Variants in PLEKHG5 observed in about 807,000 individuals in gnomAD.
The protein encoded by PLEKHG5 is pleckstrin homology and RhoGEF domain containing G5.
A neutral mutation model predicts 103.8 loss-of-function variants in PLEKHG5; 52 were observed. The observed-to-expected ratio is 0.50, with a 90% CI of 0.40 to 0.63. PLEKHG5 has a LOEUF of 0.63. Among genes scored for constraint, PLEKHG5 ranks in the 30% least tolerant of loss-of-function variants. The pLI is 0.00. For synonymous variants in PLEKHG5, 592 were observed against 575.5 expected (o/e 1.03, Z -0.41); for missense variants, 1,205 against 1,347.6 (o/e 0.89, Z 1.66).
chr1:6,468,940 A>G, intron 19 of PLEKHG5, 102 bp downstream of exon 19: 1 of 997,694 alleles, frequency 1.0e-6, no homozygotes, highest in Non-Finnish European at 1.6e-6. Flanking sequence ...TGTTCATGAC[A>G]AGAGGCCATT....
At position 6,467,650 on chromosome 1, in the gene PLEKHG5, C is replaced by T. The variant is rs372809264; in HGVS notation, c.3012-78G>A. On this transcript the variant is annotated intron_variant, in intron 20 of 20. Transcript: ENST00000377728. Reference sequence around the variant, plus strand: ...GGCTCTGGTCACCCTCTCTTCCCCACGGCACTCCTCAGGCCCCTTCACTGC... The same window carrying T: ...GGCTCTGGTCACCCTCTCTTCCCCATGGCACTCCTCAGGCCCCTTCACTGC... 4.5e-5 allele frequency: 69 copies of T among 1,519,878 alleles called. No individual in the cohort carries two copies. In the African/African-American group the frequency reaches 7.0e-4, roughly 15 times the overall value. The allele number at this position is 1,519,878 out of a possible 1,614,324, so 94.1% of individuals were successfully genotyped here.
intron 1 of PLEKHG5, among the ~76,000 whole-genome samples, chr1:6,509,136 G>C (rs1052357016): frequency 6.6e-6 from 1 of 152,246 alleles, no homozygotes; most frequent in African/African-American, 2.4e-5. Context: ...CTCTGGACAG[G>C]AAGATCCCAG....
At chr1:6,488,838 G>A (rs1645089604) in intron 1 of PLEKHG5, among the ~76,000 whole-genome samples, 1 of 152,150 alleles carries the variant, frequency 6.6e-6, no homozygotes, top group African/African-American at 2.4e-5. Context: ...TGTTGAAACT[G>A]ATACCCAGAA....
chr1:6,518,377 A>G (rs1638685781), intron 1 of PLEKHG5, among the ~76,000 whole-genome samples: 1 of 151,428 alleles, frequency 6.6e-6, no homozygotes, highest in Admixed American at 6.6e-5. Context: ...CCCAACCAAC[A>G]TGGAGAAACC....
chr1:6,475,523 C>T lies in PLEKHG5; in HGVS notation c.150-1G>A. The T allele has an allele frequency of 6.2e-7, 1 of 1,613,342 alleles. No homozygotes were observed. Among genetic ancestry groups the T allele is most frequent in the South Asian group, 1.1e-5 (1 of 91,078 alleles). On this transcript the variant is annotated splice_acceptor_variant, in intron 3 of 20. Transcript: ENST00000377728. LOFTEE classifies it high-confidence loss of function. ...TTTCAGGCCTGTGCTCTTCCGGTCCCTGCAGGGAAGCGAGGAGGGCAGAGG... is the reference window on the plus strand; with the variant it reads ...TTTCAGGCCTGTGCTCTTCCGGTCCTTGCAGGGAAGCGAGGAGGGCAGAGG...
chr1:6,472,602 G>A lies in PLEKHG5; in HGVS notation c.1005C>T (p.Cys335=). ...DGHEKLTRRQ[C]HQQEAVWELL... ...GCTCCCACACCGCCTCCTGCTGGTGGCACTGCCGCCGGGTCAGCTTCTAGA... is the reference window on the plus strand; with the variant it reads ...GCTCCCACACCGCCTCCTGCTGGTGACACTGCCGCCGGGTCAGCTTCTAGA... Residue 335 remains cysteine, a synonymous_variant, in exon 10 of 21, where the codon TGC becomes TGT. Coordinates refer to ENST00000377728, the MANE Select transcript of PLEKHG5 (RefSeq NM_020631.6). 1 of 1,612,838 alleles carries A rather than the reference G, an allele frequency of 6.2e-7. No homozygotes were observed. Among genetic ancestry groups the A allele is most frequent in the East Asian group, 2.2e-5 (1 of 44,852 alleles).
At chr1:6,479,111 G>T (rs1644836208) in intron 1 of PLEKHG5, among the ~76,000 whole-genome samples, 1 of 152,042 alleles carries the variant, frequency 6.6e-6, no homozygotes, top group South Asian at 2.1e-4. Flanking sequence ...TAAGAACAAA[G>T]ACAGTTTTCC....
chr1:6,498,870 C>T (rs906960740), upstream of PLEKHG5, among the ~76,000 whole-genome samples: 8 of 152,176 alleles, frequency 5.3e-5, no homozygotes, highest in East Asian at 1.9e-4. Context: ...TGGAGGCAGC[C>T]GAGGCAAGAG....
chr1:6,500,265 C>T (rs1416510709), upstream of PLEKHG5, among the ~76,000 whole-genome samples: 1 of 152,166 alleles, frequency 6.6e-6, no homozygotes, highest in Non-Finnish European at 1.5e-5. Context: ...GGTACGATGC[C>T]CCAAGATTGT....
Position 6,470,576 on chromosome 1 carries a change from C to T in PLEKHG5, c.1610G>A (p.Arg537Gln), listed in dbSNP as rs1322468026. 8 of 1,589,710 alleles carry T rather than the reference C, an allele frequency of 5.0e-6. No individual in the cohort carries two copies. The African/African-American group carries it at 8.1e-5, about 16-fold the overall frequency. ...GATGCGGCTCACCACGGCCGCCAGC[C>T]GCTGCCGCTCCTGCCGCTGCCGCAT... ...ACMRQRQERQRLAAVVSRIDA... is the reference protein window; with the variant it reads ...ACMRQRQERQQLAAVVSRIDA... The change falls in exon 15 of 21, where the codon CGG becomes CAG. Residue 537 changes from arginine to glutamine, a missense_variant. By Grantham distance (43) the Arg-to-Gln change is conservative. Transcript: ENST00000377728.
chr1:6,467,860 C>A lies in PLEKHG5; in HGVS notation c.2976G>T (p.Arg992Ser), dbSNP rs1644432760. The A allele has an allele frequency of 4.3e-6, 7 of 1,613,110 alleles. No homozygotes were observed. The highest frequency in any genetic ancestry group is 5.9e-6 in the Non-Finnish European group (7 of 1,179,818). The change falls in exon 20 of 21, where the codon AGG becomes AGT. Residue 992 changes from arginine (R) to serine (S), a missense_variant. Arg to Ser is a moderately radical substitution (Grantham distance 110). Coordinates refer to ENST00000377728, the MANE Select transcript of PLEKHG5 (RefSeq NM_020631.6). Reference protein sequence around the residue: ...KLTLAQLYRIRTTLLLNSTLT... With the variant: ...KLTLAQLYRISTTLLLNSTLT... ...GCGTGGAGTTAAGCAGCAGGGTGGT[C>A]CTGATTCGGTAGAGCTGGGCCAGGG... is the stretch of plus-strand genomic sequence containing the variant.
At chr1:6,472,898 G>A (rs1050324296) in intron 9 of PLEKHG5, 88 bp downstream of exon 9, 57 of 1,285,768 alleles carry the variant, frequency 4.4e-5, no homozygotes, top group Middle Eastern at 1.8e-4. Flanking sequence ...TCTTTGGGGC[G>A]TCCCATGGAA....
At position 6,467,627 on chromosome 1, in the gene PLEKHG5, C is replaced by T. The variant is rs369453820; in HGVS notation, c.3012-55G>A. On this transcript the variant is annotated intron_variant, in intron 20 of 20. Coordinates refer to ENST00000377728, the MANE Select transcript of PLEKHG5 (RefSeq NM_020631.6). ...CTTTGGCTGACGCCATTCAGAGTGG[C>T]TCTGGTCACCCTCTCTTCCCCACGG... 2.0e-4 allele frequency: 318 copies of T among 1,584,896 alleles called. 3 individuals are homozygous for T. The African/African-American group carries it at 3.6e-3, about 18-fold the overall frequency.
intron 1 of PLEKHG5, among the ~76,000 whole-genome samples, chr1:6,481,190 A>C (rs539616174): frequency 6.6e-6 from 1 of 152,258 alleles, no homozygotes; most frequent in South Asian, 2.1e-4. Flanking sequence ...GAGGAGTCCC[A>C]CTGTATCTAC....
In PLEKHG5 at chr1:6,513,467, G is replaced by A. The variant is rs533555225; in HGVS notation, c.-165+5978C>T. On this transcript the variant is annotated intron_variant, in intron 1 of 21. Transcript: ENST00000377740. ...GACCCAGCAGCTGCCACCTGCCGGG[G>A]ATTTTTCAGCCTGAGGTGAGGGGAA... Among the ~76,000 whole-genome samples the A allele has an allele frequency of 4.6e-5, 7 of 152,346 alleles. No individual in the cohort carries two copies. The East Asian group carries it at 1.3e-3, about 29-fold the overall frequency.
At chr1:6,479,372 C>T (rs1475015363) in intron 1 of PLEKHG5, among the ~76,000 whole-genome samples, 12 of 151,008 alleles carry the variant, frequency 7.9e-5, no homozygotes, top group African/African-American at 1.9e-4. Context: ...CTGCAAGCTC[C>T]GCCTCCTCGG....
In PLEKHG5 at chr1:6,505,544, G is replaced by T. The variant is rs1333637404; in HGVS notation, c.-164-8975C>A. On this transcript the variant is annotated intron_variant, in intron 1 of 21. Transcript: ENST00000377740. The surrounding 1 kb of genome is among the most constrained non-coding windows in gnomAD (Gnocchi z 4.2). Reference sequence around the variant, plus strand: ...ACAAGCCACGGGGCTCAGCGTCCCCGAGAGCTCATCCTGCCTCTTCAGGGG... The same window carrying T: ...ACAAGCCACGGGGCTCAGCGTCCCCTAGAGCTCATCCTGCCTCTTCAGGGG... Among the ~76,000 whole-genome samples, 1 of 152,068 alleles carries T rather than the reference G, an allele frequency of 6.6e-6. No homozygotes were observed. Among genetic ancestry groups the T allele is most frequent in the South Asian group, 2.1e-4 (1 of 4,814 alleles).
intron 3 of PLEKHG5, among the ~76,000 whole-genome samples, 173 bp from the exon 4 acceptor site, chr1:6,475,695 C>T (rs147010314): frequency 1.9e-3 from 291 of 152,328 alleles, no homozygotes; most frequent in Non-Finnish European, 3.0e-3. Flanking sequence ...GTGGCCAACA[C>T]GGGAGTCACA....
At chr1:6,489,829 A>T (rs746164519) in intron 1 of PLEKHG5, among the ~76,000 whole-genome samples, 16 of 152,174 alleles carry the variant, frequency 1.1e-4, no homozygotes, top group East Asian at 3.9e-4. Context: ...GTGTGCCCGG[A>T]CCCCGGCTAA....
Sources: allele counts gnomAD v4.1 joint callset (sites outside exome capture counted in the v4.1 genomes callset), GRCh38; gene constraint gnomAD v4.1.1; non-coding constraint Gnocchi (gnomAD v3.1); transcripts MANE v1.5; gene names NCBI Gene and HGNC (gene_info 2026-07-23, HGNC 2026-07-21).